The following SCIN variants were observed in gnomAD, a reference collection of about 807,000 sequenced individuals.
SCIN encodes scinderin.
SCIN carries 91 observed loss-of-function variants against 91.8 expected under a neutral mutation model. That is an observed-to-expected ratio of 0.99 (90% CI 0.84 to 1.18). The LOEUF is 1.18. Among genes scored for constraint, SCIN ranks in the 50% most tolerant of loss-of-function variants. The pLI is 0.00. For missense variants in SCIN, 1,087 were observed against 863.9 expected (o/e 1.26, Z -3.24); for synonymous variants, 367 against 312.6 (o/e 1.17, Z -1.84).
intron 11 of SCIN, among the ~76,000 whole-genome samples, chr7:12,642,236 T>G (rs1156407438): frequency 6.6e-6 from 1 of 152,078 alleles, no homozygotes; most frequent in Non-Finnish European, 1.5e-5. Context: ...GTCCGGATCC[T>G]TCCCTCTTTT....
rs1784145317 is a variant in SCIN at position 12,655,086 on chromosome 7, A to G, written c.*2371A>G. On this transcript the variant is annotated 3_prime_UTR_variant, in exon 16 of 16. Transcript: ENST00000297029. ...GCTCAAGTCCCTTATATAAAACGGCATAGTATTTGCATAAAACCTATACCA... is the reference window on the plus strand; with the variant it reads ...GCTCAAGTCCCTTATATAAAACGGCGTAGTATTTGCATAAAACCTATACCA... 1.3e-5 allele frequency: 2 copies of G among 152,232 alleles called. No individual in the cohort carries two copies. The highest frequency in any genetic ancestry group is 6.5e-5 in the Admixed American group (1 of 15,290). The allele number at this position is 152,232 out of a possible 1,614,324, so 9.4% of individuals were successfully genotyped here.
chr7:12,614,661 A>G (rs1783263474), intron 4 of SCIN, among the ~76,000 whole-genome samples: 1 of 152,172 alleles, frequency 6.6e-6, no homozygotes, highest in Non-Finnish European at 1.5e-5. Flanking sequence ...CAGAAGGCTG[A>G]GTGGTTGCTG....
intron 9 of SCIN, among the ~76,000 whole-genome samples, chr7:12,635,812 C>T (rs1189476003): frequency 6.6e-6 from 1 of 151,722 alleles, no homozygotes; most frequent in African/African-American, 2.4e-5. Flanking sequence ...AGCAAAAGCT[C>T]AATTTCTTTA....
chr7:12,642,066 T>C (rs1374354171), intron 11 of SCIN, among the ~76,000 whole-genome samples: 1 of 151,468 alleles, frequency 6.6e-6, no homozygotes, highest in Non-Finnish European at 1.5e-5. Flanking sequence ...TATTATATAC[T>C]ATATGTATTA....
At chr7:12,575,802 C>A (rs1483045522) in intron 1 of SCIN, among the ~76,000 whole-genome samples, 1 of 152,108 alleles carries the variant, frequency 6.6e-6, no homozygotes, top group Non-Finnish European at 1.5e-5. Flanking sequence ...ACTTTATACA[C>A]AAAGTTCATA....
At position 12,632,211 on chromosome 7, in the gene SCIN, A is replaced by T. The variant is rs865857134; in HGVS notation, c.1319+2989A>T. Reference sequence around the variant, plus strand: ...GTGGTGCCACTCTTGGCTCATTGCAACCTCCGCCTCCCGGGTTCAAGCTAT... The same window carrying T: ...GTGGTGCCACTCTTGGCTCATTGCATCCTCCGCCTCCCGGGTTCAAGCTAT... On this transcript the variant is annotated intron_variant, in intron 9 of 15. Transcript: ENST00000297029. 6.0e-5 allele frequency among the ~76,000 whole-genome samples: 9 copies of T among 150,506 alleles called. No individual in the cohort carries two copies. In the South Asian group the frequency reaches 1.9e-3, roughly 32 times the overall value.
intron 10 of SCIN, among the ~76,000 whole-genome samples, chr7:12,639,796 A>T (rs1365317837): frequency 2.0e-5 from 3 of 152,194 alleles, no homozygotes; most frequent in Non-Finnish European, 4.4e-5. Context: ...CTTGCATAGC[A>T]ATCTTTGTGT....
intron 12 of SCIN, 40 bp from the exon 13 acceptor site, chr7:12,644,544 C>A: frequency 6.2e-7 from 1 of 1,605,564 alleles, no homozygotes. Context: ...AAGCATATGT[C>A]CCTGAAAATG....
At chr7:12,571,036 A>G (rs900958464) in intron 1 of SCIN, 51 bp downstream of exon 1, 1 of 1,511,192 alleles carries the variant, frequency 6.6e-7, no homozygotes, top group South Asian at 1.3e-5. Context: ...CGGCGAGGGG[A>G]GGGCGTAGGG....
At chr7:12,571,109 C>T in intron 1 of SCIN, 124 bp downstream of exon 1, 1 of 1,096,402 alleles carries the variant, frequency 9.1e-7, no homozygotes, top group Non-Finnish European at 1.3e-6. Context: ...CTCGCGCCCC[C>T]ACGGGGCTGC....
At chr7:12,641,465 C>G (rs376538271) in intron 11 of SCIN, among the ~76,000 whole-genome samples, 1 of 152,216 alleles carries the variant, frequency 6.6e-6, no homozygotes, top group Admixed American at 6.5e-5. Context: ...TTATATCAGA[C>G]TTTCCGTCCT....
intron 4 of SCIN, among the ~76,000 whole-genome samples, chr7:12,607,187 C>G (rs890015069): frequency 7.9e-5 from 12 of 152,198 alleles, no homozygotes; most frequent in Non-Finnish European, 1.5e-4. Flanking sequence ...TTCATTGTGT[C>G]TGATTCCTCA....
chr7:12,639,584 T>C (rs951203876), intron 10 of SCIN, among the ~76,000 whole-genome samples: 1 of 152,156 alleles, frequency 6.6e-6, no homozygotes, highest in Non-Finnish European at 1.5e-5. Context: ...GTGTGAGAAA[T>C]AGGAAATTCT....
intron 11 of SCIN, 80 bp from the exon 12 acceptor site, chr7:12,644,058 C>T: frequency 7.7e-7 from 1 of 1,293,570 alleles, no homozygotes; most frequent in Admixed American, 2.1e-5. Context: ...TGGTTTGCCA[C>T]AGTCACAGCT....
At chr7:12,650,457 C>A (rs1383013830) in intron 14 of SCIN, among the ~76,000 whole-genome samples, 1 of 152,138 alleles carries the variant, frequency 6.6e-6, no homozygotes. Flanking sequence ...ATCATGGGTA[C>A]TTTTTGGAAG....
chr7:12,571,071 T>G (rs1204525322), intron 1 of SCIN, 86 bp downstream of exon 1: 1 of 1,374,990 alleles, frequency 7.3e-7, no homozygotes. Context: ...GGCGTGGGAG[T>G]AAAGGGGACC....
At chr7:12,611,118 A>G (rs1273608583) in intron 4 of SCIN, 1 of 152,154 alleles carries the variant, frequency 6.6e-6, no homozygotes, top group East Asian at 1.9e-4. Flanking sequence ...TGTTGGGGCC[A>G]CCACTGCTCA....
intron 8 of SCIN, 49 bp from the exon 9 acceptor site, chr7:12,629,052 A>G (rs765533484): frequency 2.7e-6 from 4 of 1,481,668 alleles, no homozygotes; most frequent in Non-Finnish European, 2.7e-6. Flanking sequence ...GAGAAATATT[A>G]TTAGATCAAG....
chr7:12,570,840 GC>G lies in SCIN; in HGVS notation c.55del (p.Leu19CysfsTer97), dbSNP rs1782250685. ...TCGCCCGGGCGGGCAAGCAGGCGGG[GC>G]TGCAGGTCTGGAGGATTGAGAAGCT... ...EFARAGKQAG[L>X]QVWRIEKLEL... On this transcript the variant is annotated frameshift_variant, in exon 1 of 16. Transcript: ENST00000297029. LOFTEE classifies it high-confidence loss of function. 6 of 1,551,628 alleles carry G rather than the reference GC, an allele frequency of 3.9e-6. No individual in the cohort carries two copies. The highest frequency in any genetic ancestry group is 5.2e-6 in the Non-Finnish European group (6 of 1,146,982).
Sources: allele counts gnomAD v4.1 joint callset (sites outside exome capture counted in the v4.1 genomes callset), GRCh38; gene constraint gnomAD v4.1.1; transcripts MANE v1.5; gene names NCBI Gene and HGNC (gene_info 2026-07-23, HGNC 2026-07-21).